Variants in SLC39A11 observed in about 807,000 individuals in gnomAD.
The protein encoded by SLC39A11 is zinc transporter ZIP11.
SLC39A11 carries 33 observed loss-of-function variants against 36.1 expected under a neutral mutation model. The observed-to-expected ratio is 0.91, with a 90% confidence interval of 0.69 to 1.22. SLC39A11 has a LOEUF of 1.22. Among genes scored for constraint, SLC39A11 ranks in the 50% most tolerant of loss-of-function variants. SLC39A11 has a pLI of 0.00. For missense variants in SLC39A11, 432 were observed against 430.3 expected, an observed-to-expected ratio of 1.00 and a Z score of -0.03; for synonymous variants, 166 against 170.3, an observed-to-expected ratio of 0.97 and a Z score of 0.20.
chr17:73,023,475 T>G lies in SLC39A11; in HGVS notation c.306+8081A>C, dbSNP rs145436699. Among the ~76,000 whole-genome samples the G allele has an allele frequency of 1.2e-3, 183 of 150,896 alleles. 1 individual carries two copies. The highest frequency in any genetic ancestry group is 4.0e-3 in the African/African-American group (161 of 40,486). The stretch of plus-strand genomic sequence containing the variant: ...AGGTGTCCAATCAAAATGGTGCTGG[T>G]TTTTTTTGTTGTTGTTTGTTTGTTT... On this transcript the variant is annotated intron_variant, in intron 4 of 9. Coordinates refer to ENST00000255559, the MANE Select transcript of SLC39A11 (RefSeq NM_139177.4).
intron 6 of SLC39A11, among the ~76,000 whole-genome samples, chr17:72,741,354 G>A (rs1319062556): frequency 5.3e-5 from 8 of 152,076 alleles, no homozygotes; most frequent in Non-Finnish European, 7.3e-5. Context: ...GCATCTTTAC[G>A]TTTGCTTACA....
At chr17:72,879,005 T>C (rs758997236) in intron 5 of SLC39A11, among the ~76,000 whole-genome samples, 20 of 152,254 alleles carry the variant, frequency 1.3e-4, no homozygotes, top group African/African-American at 2.2e-4. Context: ...TTCACTTATG[T>C]TCACCATTTA....
chr17:72,938,208 C>A (rs573480931), intron 5 of SLC39A11, among the ~76,000 whole-genome samples: 1 of 152,274 alleles, frequency 6.6e-6, no homozygotes, highest in Non-Finnish European at 1.5e-5. Context: ...ACCTGCCACC[C>A]AGAAAGGAGA....
chr17:72,718,345 A>G (rs2073499739), intron 7 of SLC39A11, among the ~76,000 whole-genome samples: 1 of 152,170 alleles, frequency 6.6e-6, no homozygotes, highest in Non-Finnish European at 1.5e-5. Flanking sequence ...AGGCTGAGGC[A>G]GGAGAATCGC....
chr17:73,013,090 T>C (rs1468397150), intron 4 of SLC39A11, among the ~76,000 whole-genome samples: 4 of 150,702 alleles, frequency 2.7e-5, no homozygotes, highest in Non-Finnish European at 1.5e-5. Context: ...TGAACCACTG[T>C]GCCTGGCCCT....
In SLC39A11 at chr17:72,736,304, AG is replaced by A. The variant is rs1438979564; in HGVS notation, c.671+345del. On this transcript the variant is annotated intron_variant, in intron 7 of 9. Coordinates refer to ENST00000255559, the MANE Select transcript of SLC39A11 (RefSeq NM_139177.4). Reference sequence around the variant, plus strand: ...CCCTAGCATCAAGAAAGACAAAGGGAGGGCTTCAAAAAGGAAAGGCCTGAAG... The same window carrying A: ...CCCTAGCATCAAGAAAGACAAAGGGAGGCTTCAAAAAGGAAAGGCCTGAAG... Among the ~76,000 whole-genome samples the A allele has an allele frequency of 2.6e-5, 4 of 152,264 alleles. No individual in the cohort carries two copies. The East Asian group carries it at 7.7e-4, about 29-fold the overall frequency.
At chr17:72,779,589 C>T (rs573096706) in intron 6 of SLC39A11, among the ~76,000 whole-genome samples, 157 of 152,288 alleles carry the variant, frequency 1.0e-3, no homozygotes, top group African/African-American at 3.5e-3. Context: ...GCTAACCCAT[C>T]GCTCTCTTTG....
chr17:72,757,313 G>A (rs778031724), intron 6 of SLC39A11, among the ~76,000 whole-genome samples: 2 of 152,140 alleles, frequency 1.3e-5, no homozygotes, highest in Non-Finnish European at 2.9e-5. Context: ...CCATGAGCCA[G>A]GACATGAATT....
At chr17:72,968,248 C>T (rs75601020) in intron 4 of SLC39A11, among the ~76,000 whole-genome samples, 6,608 of 152,244 alleles carry the variant, frequency 0.043, 165 homozygotes, top group Non-Finnish European at 0.058. Flanking sequence ...AAGGCATCTG[C>T]GAGGTAACTA....
chr17:72,647,794 G>A (rs965131269), intron 9 of SLC39A11, 132 bp from the exon 10 acceptor site: 2 of 684,848 alleles, frequency 2.9e-6, no homozygotes, highest in African/African-American at 3.6e-5. Context: ...ACATTTACTG[G>A]GGCTTACTAT....
chr17:72,877,111 A>G (rs1260796585), intron 5 of SLC39A11, among the ~76,000 whole-genome samples: 1 of 152,200 alleles, frequency 6.6e-6, no homozygotes, highest in Non-Finnish European at 1.5e-5. Context: ...GAGCCAAAAG[A>G]ATCATCATCT....
intron 6 of SLC39A11, among the ~76,000 whole-genome samples, chr17:72,813,205 A>C (rs960313121): frequency 1.3e-5 from 2 of 152,180 alleles, no homozygotes; most frequent in Non-Finnish European, 2.9e-5. Context: ...AAACTTCTTC[A>C]TATGCTTTAG....
At chr17:73,023,041 C>T (rs1213644680) in intron 4 of SLC39A11, among the ~76,000 whole-genome samples, 1 of 152,218 alleles carries the variant, frequency 6.6e-6, no homozygotes, top group African/African-American at 2.4e-5. Context: ...CACAGGTTTC[C>T]TCCCTTAGAA....
chr17:72,702,006 T>C (rs571161716), intron 7 of SLC39A11, among the ~76,000 whole-genome samples: 1 of 152,342 alleles, frequency 6.6e-6, no homozygotes, highest in South Asian at 2.1e-4. Context: ...CTCAGGAGGC[T>C]GAGGTGGGAA....
chr17:72,967,297 C>T (rs1042884490), intron 4 of SLC39A11, among the ~76,000 whole-genome samples: 3 of 150,026 alleles, frequency 2.0e-5, no homozygotes, highest in Admixed American at 1.3e-4. Context: ...GACTACTATG[C>T]TAGAGTGAGA....
Position 73,033,760 on chromosome 17 carries a change from C to A in SLC39A11, c.148-2046G>T, listed in dbSNP as rs148995183. On this transcript the variant is annotated intron_variant, in intron 3 of 9. Transcript: ENST00000255559. ...TAAAAATTACTTAATTATGCCTTGC[C>A]TTAAAAAATCATCTGCATCACCCAT... Among the ~76,000 whole-genome samples the A allele has an allele frequency of 2.9e-3, 436 of 152,308 alleles. 7 individuals are homozygous for A. The South Asian group carries it at 0.041, about 14-fold the overall frequency.
chr17:72,917,386 T>C (rs1294147151), intron 5 of SLC39A11, among the ~76,000 whole-genome samples: 2 of 152,190 alleles, frequency 1.3e-5, no homozygotes, highest in Non-Finnish European at 2.9e-5. Context: ...AAAATGCTCC[T>C]ACCTAAATGG....
intron 4 of SLC39A11, among the ~76,000 whole-genome samples, chr17:73,028,269 T>C (rs2058626434): frequency 1.3e-5 from 2 of 152,144 alleles, no homozygotes; most frequent in African/African-American, 4.8e-5. Flanking sequence ...CCTGTTAGAC[T>C]ATAAACGCGT....
chr17:72,691,742 C>G (rs1079464), intron 7 of SLC39A11, among the ~76,000 whole-genome samples: 2 of 151,984 alleles, frequency 1.3e-5, no homozygotes, highest in African/African-American at 4.8e-5. Context: ...CATTCCCATG[C>G]GTAGATGACT....
Sources: gnomAD v4.1 joint callset for allele counts (sites outside exome capture counted in the v4.1 genomes callset) on GRCh38, gnomAD v4.1.1 for gene constraint, MANE v1.5 for transcripts, NCBI Gene and HGNC (gene_info 2026-07-23, HGNC 2026-07-21) for gene names.